The following ABI1 variants were observed in gnomAD, a reference collection of about 807,000 sequenced individuals.
The protein encoded by ABI1 is abl interactor 1.
ABI1 carries 14 observed loss-of-function variants against 54.6 expected under a neutral mutation model. The ratio of observed to expected loss-of-function variants is 0.26; its 90% CI spans 0.17 to 0.40. The LOEUF (loss-of-function observed/expected upper bound fraction) is 0.40, where lower values mean the gene tolerates loss of function less well. Among genes scored for constraint, ABI1 ranks in the 10% least tolerant of loss-of-function variants. The pLI is 1.00. For missense variants in ABI1, 443 were observed against 598.3 expected, an observed-to-expected ratio of 0.74 and a Z score of 2.71; for synonymous variants, 194 against 209.3, an observed-to-expected ratio of 0.93 and a Z score of 0.63.
intron 1 of ABI1, among the ~76,000 whole-genome samples, chr10:26,848,227 A>T (rs7908945): frequency 0.026 from 3,392 of 132,784 alleles, 134 homozygotes; most frequent in African/African-American, 0.081. Context: ...AAAAAAGAAG[A>T]AGAAGAAGAA....
intron 1 of ABI1, among the ~76,000 whole-genome samples, chr10:26,833,861 A>G (rs17754556): frequency 0.26 from 39,875 of 152,098 alleles, 6,031 homozygotes; most frequent in South Asian, 0.44. Flanking sequence ...GTTCAAGGAT[A>G]TTCATGCCAC....
rs2051250269 is a variant in ABI1, at chr10:26,860,796, T to C, written c.68A>G (p.Tyr23Cys). 6.2e-7 allele frequency: 1 copy of C among 1,614,058 alleles called. No individual in the cohort carries two copies. Residue 23 changes from tyrosine to cysteine, a missense_variant, in exon 1 of 11, where the codon TAC (tyrosine) becomes TGC (cysteine). Physicochemically the swap from Tyr to Cys is radical, Grantham distance 194. Transcript: ENST00000376140. The surrounding 1 kb of genome is among the most constrained non-coding windows in gnomAD (Gnocchi z 4.1). ...GTCTGCCACCCGAGTCAGGTTCTGGTAACTCTCGATCAGCGCCCTCTTGCC... is the reference window on the plus strand; with the variant it reads ...GTCTGCCACCCGAGTCAGGTTCTGGCAACTCTCGATCAGCGCCCTCTTGCC... ...PSGKRALIESYQNLTRVADYC... is the reference protein window; with the variant it reads ...PSGKRALIESCQNLTRVADYC...
chr10:26,818,988 G>A (rs1019919300), intron 2 of ABI1, among the ~76,000 whole-genome samples: 27 of 152,252 alleles, frequency 1.8e-4, no homozygotes, highest in African/African-American at 6.3e-4. Context: ...GCGAGACTCC[G>A]TCTCAATAAA....
intron 1 of ABI1, among the ~76,000 whole-genome samples, chr10:26,833,685 T>C (rs765831280): frequency 2.6e-5 from 4 of 152,020 alleles, no homozygotes; most frequent in African/African-American, 9.7e-5. Context: ...GCAAGAGCCA[T>C]GATGATCAAG....
chr10:26,840,388 A>G (rs2049409562), intron 1 of ABI1, among the ~76,000 whole-genome samples: 1 of 152,224 alleles, frequency 6.6e-6, no homozygotes, highest in Non-Finnish European at 1.5e-5. Context: ...TGCTTCTTAT[A>G]CGGTCTGCAG....
intron 1 of ABI1, among the ~76,000 whole-genome samples, chr10:26,855,438 G>C (rs1453563168): frequency 6.6e-6 from 1 of 152,152 alleles, no homozygotes; most frequent in Non-Finnish European, 1.5e-5. Context: ...AGGAAGTCCT[G>C]ACTGCCAATT....
intron 7 of ABI1, 32 bp from the exon 8 acceptor site, chr10:26,759,270 A>T: frequency 6.2e-7 from 1 of 1,605,538 alleles, no homozygotes; most frequent in Non-Finnish European, 8.5e-7. Context: ...CAACCAACAA[A>T]GAGACTTGAG....
intron 1 of ABI1, among the ~76,000 whole-genome samples, chr10:26,848,410 G>A (rs556013399): frequency 2.0e-5 from 3 of 151,434 alleles, no homozygotes; most frequent in East Asian, 1.9e-4. Context: ...TTTTAAAACC[G>A]CCTATGAATC....
At chr10:26,815,503 G>C (rs2047506368) in intron 2 of ABI1, among the ~76,000 whole-genome samples, 1 of 152,152 alleles carries the variant, frequency 6.6e-6, no homozygotes, top group South Asian at 2.1e-4. Flanking sequence ...ATTTGAAAAT[G>C]TTTTGTTACT....
At chr10:26,809,464 G>T (rs2047086138) in intron 2 of ABI1, among the ~76,000 whole-genome samples, 1 of 151,984 alleles carries the variant, frequency 6.6e-6, no homozygotes, top group Non-Finnish European at 1.5e-5. Flanking sequence ...GAGGCTGGGT[G>T]GGCGGATCCC....
chr10:26,800,371 T>A (rs2133357579), intron 2 of ABI1, among the ~76,000 whole-genome samples: 1 of 151,824 alleles, frequency 6.6e-6, no homozygotes, highest in South Asian at 2.1e-4. Context: ...GGGGAAAGAG[T>A]GAGACTGTGT....
intron 10 of ABI1, among the ~76,000 whole-genome samples, chr10:26,751,022 G>T (rs1837554332): frequency 6.6e-6 from 1 of 152,062 alleles, no homozygotes; most frequent in Admixed American, 6.6e-5. Context: ...CATACAATGG[G>T]GTTATGTCCC....
Position 26,753,133 on chromosome 10 carries a change from C to A in ABI1, c.1085-1350G>T, listed in dbSNP as rs1429102460. On this transcript the variant is annotated intron_variant, in intron 9 of 10. Coordinates refer to ENST00000376140, the MANE Select transcript of ABI1 (RefSeq NM_001012750.3). ...CAGATAATGACCCTATTTCCATAAC[C>A]ACTTCAATGCTGTGATTTCTATTTT... 3.3e-5 allele frequency among the ~76,000 whole-genome samples: 5 copies of A among 152,212 alleles called. No individual in the cohort carries two copies. The East Asian group carries it at 7.7e-4, about 24-fold the overall frequency.
intron 1 of ABI1, among the ~76,000 whole-genome samples, chr10:26,842,443 T>G (rs2049591981): frequency 6.6e-6 from 1 of 152,162 alleles, no homozygotes; most frequent in Admixed American, 6.5e-5. Context: ...ATTCCATTTA[T>G]TTATTTTTGC....
intron 1 of ABI1, among the ~76,000 whole-genome samples, chr10:26,826,969 A>G (rs1320754036): frequency 2.0e-5 from 3 of 151,260 alleles, no homozygotes; most frequent in Non-Finnish European, 4.4e-5. Flanking sequence ...GCTGGAGTGC[A>G]GTGGCACAAT....
At chr10:26,830,685 T>G (rs2048613254) in intron 1 of ABI1, among the ~76,000 whole-genome samples, 1 of 151,892 alleles carries the variant, frequency 6.6e-6, no homozygotes, top group East Asian at 1.9e-4. Flanking sequence ...AACAACATTA[T>G]TTGGCATTCT....
intron 2 of ABI1, among the ~76,000 whole-genome samples, chr10:26,779,153 G>T (rs560263063): frequency 6.6e-6 from 1 of 152,200 alleles, no homozygotes; most frequent in East Asian, 1.9e-4. Context: ...ATGCTGATGG[G>T]GACAAAACTT....
At chr10:26,802,342 A>G (rs1267684997) in intron 2 of ABI1, among the ~76,000 whole-genome samples, 1 of 152,140 alleles carries the variant, frequency 6.6e-6, no homozygotes, top group African/African-American at 2.4e-5. Flanking sequence ...TCTTACAGAG[A>G]CTCTCAATAT....
intron 1 of ABI1, among the ~76,000 whole-genome samples, chr10:26,843,473 AAAAAAAAAAAAAATATATATATATAT>A (rs2049712836): frequency 1.6e-5 from 1 of 63,846 alleles, no homozygotes; most frequent in Non-Finnish European, 2.7e-5. Flanking sequence ...AAAAAAAAAA[AAAAAAAAAAAAAATATATATATATAT>A]ATATATATAT....
Sources: allele counts gnomAD v4.1 joint callset (sites outside exome capture counted in the v4.1 genomes callset), GRCh38; gene constraint gnomAD v4.1.1; non-coding constraint Gnocchi (gnomAD v3.1); transcripts MANE v1.5; gene names NCBI Gene and HGNC (gene_info 2026-07-23, HGNC 2026-07-21).